PLS1: variants seen among roughly 807,000 people sequenced by gnomAD.
PLS1 encodes plastin 1.
Under a neutral mutation model 73.7 loss-of-function variants are expected in PLS1, and 32 were observed. The ratio of observed to expected loss-of-function variants is 0.43; its 90% CI spans 0.33 to 0.58. The LOEUF is 0.58. Among genes scored for constraint, PLS1 ranks in the 20% least tolerant of loss-of-function variants. The probability of loss-of-function intolerance (pLI) is 0.04; values close to 1 mark genes in which losing one functional copy is unlikely to be tolerated. For missense variants in PLS1, 633 were observed against 740.5 expected, an observed-to-expected ratio of 0.85 and a Z score of 1.68; for synonymous variants, 217 against 261.3, an observed-to-expected ratio of 0.83 and a Z score of 1.63.
At chr3:142,653,912 T>C (rs1411728611) in intron 1 of PLS1, among the ~76,000 whole-genome samples, 8 of 152,358 alleles carry the variant, frequency 5.3e-5, no homozygotes, top group Middle Eastern at 3.4e-3. Context: ...TGTATGAGTA[T>C]AGTTTTAGGA....
intron 1 of PLS1, among the ~76,000 whole-genome samples, chr3:142,614,788 T>C (rs948250073): frequency 1.3e-5 from 2 of 152,162 alleles, no homozygotes; most frequent in African/African-American, 4.8e-5. Context: ...CTCCATCTGC[T>C]GCTTTCTTTT....
chr3:142,705,332 G>A (rs2038437502), intron 14 of PLS1, among the ~76,000 whole-genome samples: 1 of 152,094 alleles, frequency 6.6e-6, no homozygotes, highest in South Asian at 2.1e-4. Flanking sequence ...ACCGATTCAA[G>A]TGGGAATTGA....
intron 1 of PLS1, among the ~76,000 whole-genome samples, chr3:142,646,094 C>G (rs545945082): frequency 2.0e-5 from 3 of 152,168 alleles, no homozygotes; most frequent in Non-Finnish European, 4.4e-5. Flanking sequence ...AGCTTTTGGT[C>G]TCAATTTCTT....
At chr3:142,661,206 A>G (rs565950829) in intron 1 of PLS1, among the ~76,000 whole-genome samples, 1 of 152,326 alleles carries the variant, frequency 6.6e-6, no homozygotes, top group East Asian at 1.9e-4. Flanking sequence ...ATGTCTGTAA[A>G]TAGTTTTAAA....
intron 10 of PLS1, among the ~76,000 whole-genome samples, chr3:142,690,252 A>G (rs893673112): frequency 3.9e-5 from 6 of 152,160 alleles, no homozygotes; most frequent in Non-Finnish European, 8.8e-5. Flanking sequence ...GTCTATCGTT[A>G]TCTGTCTCAT....
chr3:142,655,984 T>A (rs919669834), intron 1 of PLS1, among the ~76,000 whole-genome samples: 1 of 152,138 alleles, frequency 6.6e-6, no homozygotes, highest in African/African-American at 2.4e-5. Context: ...GTTTTTGAGA[T>A]AGAGTCTCAC....
At chr3:142,665,413 T>G (rs956386335) in intron 2 of PLS1, among the ~76,000 whole-genome samples, 2 of 152,124 alleles carry the variant, frequency 1.3e-5, no homozygotes, top group African/African-American at 4.8e-5. Flanking sequence ...CATTTCTCCC[T>G]GGGAATGGCA....
chr3:142,679,027 T>G (rs1396102015), intron 6 of PLS1, among the ~76,000 whole-genome samples: 4 of 151,982 alleles, frequency 2.6e-5, no homozygotes, highest in Admixed American at 6.6e-5. Flanking sequence ...TGGCCAGTGA[T>G]GATGAGCATT....
At chr3:142,710,897 T>A (rs1053274465) in intron 14 of PLS1, among the ~76,000 whole-genome samples, 12 of 152,194 alleles carry the variant, frequency 7.9e-5, no homozygotes, top group African/African-American at 2.9e-4. Flanking sequence ...TTGGGCATTT[T>A]AGAGTCAGAC....
intron 12 of PLS1, 29 bp from the exon 13 acceptor site, chr3:142,703,834 ATCTTT>A (rs768255148): frequency 6.6e-7 from 1 of 1,508,606 alleles, no homozygotes; most frequent in Non-Finnish European, 9.2e-7. Context: ...GTTTTTAAAA[ATCTTT>A]TTATACCCAA....
At chr3:142,669,238 G>A (rs2037548982) in intron 2 of PLS1, 152 bp from the exon 3 acceptor site, 1 of 515,544 alleles carries the variant, frequency 1.9e-6, no homozygotes, top group Admixed American at 3.4e-5. Context: ...AGCATATTCT[G>A]TACAGTTCAG....
chr3:142,630,957 A>ACACACACG (rs2036545576), intron 1 of PLS1, among the ~76,000 whole-genome samples: 1 of 151,812 alleles, frequency 6.6e-6, no homozygotes, highest in Non-Finnish European at 1.5e-5. Flanking sequence ...ACACACACAC[A>ACACACACG]CACACACACA....
intron 1 of PLS1, among the ~76,000 whole-genome samples, chr3:142,637,583 T>C (rs995965951): frequency 1.3e-5 from 2 of 152,164 alleles, no homozygotes; most frequent in African/African-American, 4.8e-5. Context: ...AAAATGATCA[T>C]GAAAAGCTTT....
At chr3:142,623,895 T>C (rs937206470) in intron 1 of PLS1, among the ~76,000 whole-genome samples, 6 of 152,152 alleles carry the variant, frequency 3.9e-5, no homozygotes, top group Non-Finnish European at 2.9e-5. Context: ...GATTTTCCTT[T>C]CAGAAATGGA....
At chr3:142,661,090 CAG>C (rs1269154101) in intron 1 of PLS1, among the ~76,000 whole-genome samples, 1 of 152,138 alleles carries the variant, frequency 6.6e-6, no homozygotes, top group Non-Finnish European at 1.5e-5. Context: ...ACTGAAACCA[CAG>C]AGATTCAAAG....
intron 1 of PLS1, among the ~76,000 whole-genome samples, chr3:142,605,590 C>T (rs1054791921): frequency 6.6e-6 from 1 of 152,158 alleles, no homozygotes; most frequent in Non-Finnish European, 1.5e-5. Flanking sequence ...AGGCTGATCT[C>T]GAACTCCTGA....
At chr3:142,659,676 T>C (rs889004590) in intron 1 of PLS1, among the ~76,000 whole-genome samples, 3 of 151,782 alleles carry the variant, frequency 2.0e-5, no homozygotes, top group African/African-American at 7.2e-5. Context: ...TTTTTTCTTT[T>C]TTTTTTTTTG....
chr3:142,642,930 A>G lies in PLS1; in HGVS notation c.-36-21272A>G, dbSNP rs371118017. 2.0e-5 allele frequency among the ~76,000 whole-genome samples: 3 copies of G among 152,142 alleles called. No individual in the cohort carries two copies. The East Asian group carries it at 5.8e-4, about 29-fold the overall frequency. ...GGTCTTGAACTCCTGGGCTCAGGTG[A>G]TCTGCCTACCCCACCACCATCCTTC... On this transcript the variant is annotated intron_variant, in intron 1 of 15. Transcript: ENST00000457734.
intron 1 of PLS1, among the ~76,000 whole-genome samples, chr3:142,615,118 C>T (rs2036192025): frequency 6.6e-6 from 1 of 152,124 alleles, no homozygotes. Context: ...GTGCCCAAGG[C>T]ACTGAAGAAT....
Sources: gnomAD v4.1 joint callset for allele counts (sites outside exome capture counted in the v4.1 genomes callset) on GRCh38, gnomAD v4.1.1 for gene constraint, MANE v1.5 for transcripts, NCBI Gene and HGNC (gene_info 2026-07-23, HGNC 2026-07-21) for gene names.